Variants in ULK2 observed in about 807,000 individuals in gnomAD.
ULK2 encodes the protein unc-51 like autophagy activating kinase 2.
In ULK2, 76 loss-of-function variants were observed where a neutral mutation model predicts 127.5. The ratio of observed to expected loss-of-function variants is 0.60; its 90% CI spans 0.50 to 0.72. The LOEUF is 0.72. Among genes scored for constraint, ULK2 ranks in the 30% least tolerant of loss-of-function variants. The pLI is 0.00. For synonymous variants in ULK2, 452 were observed against 461.9 expected (o/e 0.98, Z 0.28); for missense variants, 1,144 against 1,295.9 (o/e 0.88, Z 1.80).
At chr17:19,858,483 A>C (rs2042177412) in intron 3 of ULK2, among the ~76,000 whole-genome samples, 1 of 152,192 alleles carries the variant, frequency 6.6e-6, no homozygotes, top group Non-Finnish European at 1.5e-5. Context: ...AATGACAAGG[A>C]CCATTTCTAC....
intron 16 of ULK2, among the ~76,000 whole-genome samples, chr17:19,800,174 C>A (rs904492164): frequency 1.3e-5 from 2 of 152,214 alleles, no homozygotes; most frequent in African/African-American, 4.8e-5. Context: ...AGGTGTTGGA[C>A]CTATGTCTTG....
rs896211153 is a variant in ULK2 at position 19,776,149 on chromosome 17, T to C, written c.*200A>G. 2.0e-6 allele frequency: 1 copy of C among 510,934 alleles called. No individual in the cohort carries two copies. The highest frequency in any genetic ancestry group is 2.0e-5 in the African/African-American group (1 of 49,654). 31.7% of individuals were successfully genotyped at this position (510,934 alleles called of 1,614,324 possible). A position where few individuals can be genotyped will look rare whatever the true frequency, so the allele number is the denominator to read the frequency against. ...CTTCTACAAAGAAAAAGGGAAAGGG[T>C]GATTTTCTCCAATAAGGCAGATTTC... On this transcript the variant is annotated 3_prime_UTR_variant, in exon 27 of 27. Transcript: ENST00000395544.
Position 19,846,760 on chromosome 17 carries a change from A to AC in ULK2, c.445dup (p.Val149GlyfsTer19). 6.2e-7 allele frequency: 1 copy of AC among 1,611,090 alleles called. No homozygotes were observed. Among genetic ancestry groups the AC allele is most frequent in the Non-Finnish European group, 8.5e-7 (1 of 1,178,870 alleles). On this transcript the variant is annotated frameshift_variant, in exon 6 of 27. Transcript: ENST00000395544. LOFTEE classifies it high-confidence loss of function. ...ACCTATTTTGATGCGAATACCACTG[A>AC]CACTTGATTTTCTGCGATTGGCATA... is the stretch of plus-strand genomic sequence containing the variant.
At chr17:19,776,556 C>T in intron 26 of ULK2, 149 bp from the exon 27 acceptor site, 1 of 755,346 alleles carries the variant, frequency 1.3e-6, no homozygotes. Flanking sequence ...TAGCTTAGTG[C>T]TGCAAAGTGG....
At chr17:19,848,329 A>G (rs1264677738) in intron 5 of ULK2, 1 of 152,204 alleles carries the variant, frequency 6.6e-6, no homozygotes, top group East Asian at 1.9e-4. Context: ...AATTCTTAGA[A>G]TATGTTCTAT....
intron 10 of ULK2, among the ~76,000 whole-genome samples, chr17:19,837,722 C>T (rs1465191238): frequency 1.3e-5 from 2 of 152,166 alleles, no homozygotes; most frequent in Non-Finnish European, 2.9e-5. Flanking sequence ...TCAGTGAATG[C>T]TGTTGCCTCT....
chr17:19,831,298 T>C (rs1008528380), intron 10 of ULK2, among the ~76,000 whole-genome samples: 2 of 151,726 alleles, frequency 1.3e-5, no homozygotes, highest in Non-Finnish European at 2.9e-5. Flanking sequence ...CCCCATTCAC[T>C]CACCTCCCAC....
Position 19,866,211 on chromosome 17 carries a change from T to C in ULK2, c.91-383A>G, listed in dbSNP as rs1253372460. On this transcript the variant is annotated intron_variant, in intron 1 of 26. Coordinates refer to ENST00000395544, the MANE Select transcript of ULK2 (RefSeq NM_014683.4). ...AATTATTTTCCTAATAAATGAAAAGTAGGCCGGGAGCCGTGGCTCACACCT... is the reference window on the plus strand; with the variant it reads ...AATTATTTTCCTAATAAATGAAAAGCAGGCCGGGAGCCGTGGCTCACACCT... Among the ~76,000 whole-genome samples the C allele has an allele frequency of 3.9e-5, 6 of 152,224 alleles. No homozygotes were observed. In the East Asian group the frequency reaches 1.2e-3, roughly 29 times the overall value.
chr17:19,799,410 G>T, intron 17 of ULK2, 85 bp downstream of exon 17: 1 of 1,169,538 alleles, frequency 8.6e-7, no homozygotes, highest in Non-Finnish European at 1.2e-6. Flanking sequence ...TATCAATTCT[G>T]TTCTTTGATA....
intron 10 of ULK2, among the ~76,000 whole-genome samples, chr17:19,826,826 C>T (rs1416614662): frequency 2.0e-5 from 3 of 151,984 alleles, no homozygotes; most frequent in East Asian, 3.9e-4. Context: ...GCATGGCGGC[C>T]GGCGCCTGTA....
rs186533439 is a variant in ULK2 at position 19,799,539 on chromosome 17, C to T, written c.1478G>A (p.Cys493Tyr). 1.6e-4 allele frequency: 249 copies of T among 1,568,816 alleles called. 1 individual carries two copies. The East Asian group carries it at 5.1e-3, about 32-fold the overall frequency. Residue 493 changes from cysteine to tyrosine, a missense_variant, in exon 17 of 27, where the codon TGT becomes TAT. By Grantham distance (194) the Cys-to-Tyr change is radical (BLOSUM62 -2). Around this residue, in one of 2 missense-constraint regions of ULK2, gnomAD observed 913 missense variants for 970.5 expected, o/e 0.94. Transcript: ENST00000395544. Reference sequence around the variant, plus strand: ...GGAGTCATGGCCCTGAGGATGCCCACAGCAGCACTGACTGAATTGCTCAGG... The same window carrying T: ...GGAGTCATGGCCCTGAGGATGCCCATAGCAGCACTGACTGAATTGCTCAGG... ...TIPEQFSQCC[C>Y]GHPQGHDSRS...
chr17:19,804,969 G>C (rs2087484037), intron 14 of ULK2, 139 bp from the exon 15 acceptor site: 2 of 989,140 alleles, frequency 2.0e-6, no homozygotes, highest in Non-Finnish European at 2.7e-6. Flanking sequence ...AAATGATCTT[G>C]TTAAAAAATA....
Position 19,867,238 on chromosome 17 carries a change from G to A in ULK2, c.90+90C>T, listed in dbSNP as rs944934247. On this transcript the variant is annotated intron_variant, in intron 1 of 26. Transcript: ENST00000395544. ...ATACCCGGGCGGCTAGCCGAGTCGG[G>A]GGTCTCGGCTCGCGGCTGCGCCAAG... 2.0e-5 allele frequency: 21 copies of A among 1,032,576 alleles called. No homozygotes were observed. In the African/African-American group the frequency reaches 2.7e-4, roughly 13 times the overall value. The allele number at this position is 1,032,576 out of a possible 1,614,324, so 64.0% of individuals were successfully genotyped here.
At chr17:19,845,781 A>G (rs1193770449) in intron 6 of ULK2, among the ~76,000 whole-genome samples, 2 of 152,172 alleles carry the variant, frequency 1.3e-5, no homozygotes, top group Non-Finnish European at 2.9e-5. Flanking sequence ...ATGGTCTCTG[A>G]GATCCCTACG....
chr17:19,791,576 T>C (rs915732051), intron 20 of ULK2, among the ~76,000 whole-genome samples: 33 of 152,150 alleles, frequency 2.2e-4, no homozygotes, highest in African/African-American at 7.5e-4. Context: ...TTCCAGCTAC[T>C]CAAGAGGCTG....
chr17:19,801,945 T>C lies in ULK2; in HGVS notation c.1296-23A>G, dbSNP rs779286390. 3.2e-6 allele frequency: 5 copies of C among 1,580,084 alleles called. 1 individual carries two copies. The Admixed American group carries it at 8.1e-5, about 26-fold the overall frequency. On this transcript the variant is annotated intron_variant, in intron 15 of 26. Transcript: ENST00000395544. ...GATCTGAAAAGTAAATTATTCCTTC[T>C]ATAAAAGGTTCTAGAACTCTCTTTT...
At chr17:19,805,826 A>C (rs1157169021) in intron 14 of ULK2, among the ~76,000 whole-genome samples, 1 of 152,234 alleles carries the variant, frequency 6.6e-6, no homozygotes, top group African/African-American at 2.4e-5. Context: ...GAAACTAAGG[A>C]AACAACTGTT....
At chr17:19,794,293 A>T (rs1487022748) in intron 20 of ULK2, among the ~76,000 whole-genome samples, 1 of 152,214 alleles carries the variant, frequency 6.6e-6, no homozygotes, top group Non-Finnish European at 1.5e-5. Context: ...CAATGAGCCA[A>T]CTATAAGAGT....
chr17:19,821,499 C>T (rs1222635321), intron 12 of ULK2, among the ~76,000 whole-genome samples: 3 of 151,988 alleles, frequency 2.0e-5, no homozygotes, highest in Non-Finnish European at 4.4e-5. Context: ...AAAACGACAA[C>T]GTTATATCAC....
Sources: allele counts gnomAD v4.1 joint callset (sites outside exome capture counted in the v4.1 genomes callset), GRCh38; gene constraint gnomAD v4.1.1; regional missense constraint gnomAD v4.1.1; transcripts MANE v1.5; gene names NCBI Gene and HGNC (gene_info 2026-07-23, HGNC 2026-07-21).